Variants in CEP350 observed in about 807,000 individuals in gnomAD.
CEP350 encodes the protein centrosomal protein 350.
Under a neutral mutation model 331.8 loss-of-function variants are expected in CEP350, and 126 were observed. That is an observed-to-expected ratio of 0.38 (90% CI 0.33 to 0.44). The LOEUF is 0.44. Ranked by LOEUF, CEP350 falls within the 20% of genes least tolerant of loss-of-function variation. The probability of loss-of-function intolerance (pLI) is 1.00; values close to 1 mark genes in which losing one functional copy is unlikely to be tolerated. For synonymous variants in CEP350, 1,200 were observed against 1,259.5 expected (o/e 0.95, Z 1.00); for missense variants, 3,406 against 3,634.6 (o/e 0.94, Z 1.62).
intron 27 of CEP350, among the ~76,000 whole-genome samples, chr1:180,068,656 A>G (rs745361572): frequency 6.6e-6 from 1 of 152,174 alleles, no homozygotes; most frequent in Non-Finnish European, 1.5e-5. Flanking sequence ...CATTACTTAA[A>G]ATAGGACACT....
intron 7 of CEP350, among the ~76,000 whole-genome samples, chr1:180,004,927 C>CTTTGTT (rs367845675): frequency 1.3e-5 from 1 of 74,962 alleles, no homozygotes; most frequent in South Asian, 6.0e-4. Context: ...TTCTTTCTTT[C>CTTTGTT]TTTCTTTCTT....
At chr1:180,012,168 G>A in intron 9 of CEP350, 93 bp downstream of exon 9, 2 of 1,182,436 alleles carry the variant, frequency 1.7e-6, no homozygotes, top group Middle Eastern at 2.1e-4. Context: ...AATGTGTTAG[G>A]ACTTTGCTTT....
chr1:180,032,876 T>C (rs1656110792), intron 15 of CEP350, among the ~76,000 whole-genome samples: 1 of 152,100 alleles, frequency 6.6e-6, no homozygotes, highest in Non-Finnish European at 1.5e-5. Context: ...ATGATCATTC[T>C]TTTTGTGTTT....
In CEP350 at chr1:180,053,853, A is replaced by G. The variant is rs1418214682; in HGVS notation, c.5093A>G (p.Gln1698Arg). The G allele has an allele frequency of 6.2e-7, 1 of 1,612,574 alleles. No homozygotes were observed. The highest frequency in any genetic ancestry group is 8.5e-7 in the Non-Finnish European group (1 of 1,178,950). The change falls in exon 24 of 38, where the codon CAG becomes CGG. Residue 1698 changes from glutamine to arginine, a missense_variant. This residue lies in a region of CEP350 where 104 missense variants were observed against 143.3 expected (regional missense o/e 0.73). Transcript: ENST00000367607. ...GAGGAAGAAATGAGGGCAGCTCACC[A>G]GTCTTCACTCCTGCGTCTCCGTGAA... Reference protein sequence around the residue: ...MKEEEMRAAHQSSLLRLREKA... With the variant: ...MKEEEMRAAHRSSLLRLREKA...
In CEP350 at chr1:179,996,974, C is replaced by T. The variant is rs1198007788; in HGVS notation, c.817C>T (p.Leu273=). ...TTCTAATTCCCAAAGATTAGATATT[C>T]TAAAGCGGCGACAACATGATGTCAA... The part of the protein sequence containing the change: ...STSNSQRLDI[L]KRRQHDVKLE... The change falls in exon 6 of 38, where the codon CTA becomes TTA. Residue 273 remains leucine (L), a synonymous_variant. Transcript: ENST00000367607. The T allele has an allele frequency of 6.2e-7, 1 of 1,613,982 alleles. No individual in the cohort carries two copies. Among genetic ancestry groups the T allele is most frequent in the Non-Finnish European group, 8.5e-7 (1 of 1,179,858 alleles).
chr1:180,030,774 C>A (rs77876859), intron 14 of CEP350, among the ~76,000 whole-genome samples: 2 of 152,140 alleles, frequency 1.3e-5, no homozygotes, highest in African/African-American at 4.8e-5. Context: ...GATTAAATTT[C>A]TTTGAGTTAC....
chr1:180,063,108 A>G (rs1247808642), intron 26 of CEP350, among the ~76,000 whole-genome samples: 1 of 151,792 alleles, frequency 6.6e-6, no homozygotes, highest in Non-Finnish European at 1.5e-5. Context: ...TATTTACATG[A>G]TACTCATTTT....
At chr1:179,990,688 A>G in intron 4 of CEP350, 67 bp downstream of exon 4, 1 of 842,680 alleles carries the variant, frequency 1.2e-6, no homozygotes, top group South Asian at 1.9e-5. Context: ...ACAGACAGCT[A>G]GATCTACAGG....
chr1:180,042,132 T>TCACA (rs59048123), intron 19 of CEP350, among the ~76,000 whole-genome samples: 61,662 of 146,578 alleles, frequency 0.42, 13,727 homozygotes, highest in Non-Finnish European at 0.51. Flanking sequence ...GAGTTTTCTC[T>TCACA]CACACACACA....
intron 14 of CEP350, among the ~76,000 whole-genome samples, chr1:180,024,858 A>G (rs1054811290): frequency 2.0e-5 from 3 of 152,214 alleles, no homozygotes; most frequent in Non-Finnish European, 4.4e-5. Context: ...ACTTCTGTTC[A>G]GAGATTAACT....
chr1:180,009,836 ACACATTAAAACT>A (rs1193621831), intron 8 of CEP350, among the ~76,000 whole-genome samples: 1 of 152,206 alleles, frequency 6.6e-6, no homozygotes, highest in Non-Finnish European at 1.5e-5. Flanking sequence ...AGTAAACAGC[ACACATTAAAACT>A]CACCTTTTTA....
intron 14 of CEP350, among the ~76,000 whole-genome samples, chr1:180,025,233 C>T (rs1017299785): frequency 7.9e-5 from 12 of 152,158 alleles, no homozygotes; most frequent in African/African-American, 2.4e-4. Flanking sequence ...TAAATAATTG[C>T]TTTGCAGTTG....
In CEP350 at chr1:179,967,756, A is replaced by C. The variant is rs529383494; in HGVS notation, c.-14+12614A>C. On this transcript the variant is annotated intron_variant, in intron 1 of 37. Transcript: ENST00000367607. ...TTCATGTCTAAATTTTAAAAGTGAA[A>C]ATATTTTATGAAAGAATTTATTTTT... 1.1e-4 allele frequency among the ~76,000 whole-genome samples: 17 copies of C among 152,342 alleles called. No homozygotes were observed. In the South Asian group the frequency reaches 1.2e-3, roughly 11 times the overall value.
chr1:179,973,461 T>G lies in CEP350; in HGVS notation c.-13-12708T>G, dbSNP rs367971866. ...CTGTTAATCACCCTGTTCCTGTCAG[T>G]GAGTGTATAAATGAGTATCCAGTAA... On this transcript the variant is annotated intron_variant, in intron 1 of 37. Transcript: ENST00000367607. Among the ~76,000 whole-genome samples, 3 of 152,226 alleles carry G rather than the reference T, an allele frequency of 2.0e-5. No homozygotes were observed. The South Asian group carries it at 6.2e-4, about 32-fold the overall frequency.
intron 37 of CEP350, among the ~76,000 whole-genome samples, chr1:180,103,535 T>C (rs764530454): frequency 6.6e-5 from 10 of 152,198 alleles, no homozygotes; most frequent in Non-Finnish European, 1.3e-4. Flanking sequence ...CAGTTCTTTA[T>C]GGGGAATTGG....
intron 1 of CEP350, among the ~76,000 whole-genome samples, chr1:179,958,200 T>G (rs903604135): frequency 1.3e-5 from 2 of 152,146 alleles, no homozygotes; most frequent in Non-Finnish European, 2.9e-5. Flanking sequence ...TAAAAATGAA[T>G]CTGAACCCTT....
At chr1:180,009,543 C>CT (rs890096143) in intron 8 of CEP350, among the ~76,000 whole-genome samples, 5 of 151,074 alleles carry the variant, frequency 3.3e-5, no homozygotes, top group South Asian at 2.1e-4. Context: ...AGTGAAATTC[C>CT]TTTTTTTTTA....
chr1:180,064,921 A>C (rs1442156269), intron 26 of CEP350, among the ~76,000 whole-genome samples, 194 bp from the exon 27 acceptor site: 1 of 152,088 alleles, frequency 6.6e-6, no homozygotes, highest in Non-Finnish European at 1.5e-5. Flanking sequence ...AATGGTGGTA[A>C]AAATATACAT....
At chr1:179,967,292 T>C (rs966915840) in intron 1 of CEP350, among the ~76,000 whole-genome samples, 9 of 152,330 alleles carry the variant, frequency 5.9e-5, no homozygotes, top group Middle Eastern at 3.4e-3. Flanking sequence ...TTATAGTTTT[T>C]GTTGTTGTTA....
Sources: gnomAD v4.1 joint callset for allele counts (sites outside exome capture counted in the v4.1 genomes callset) on GRCh38, gnomAD v4.1.1 for gene constraint, gnomAD v4.1.1 regional missense constraint, MANE v1.5 for transcripts, NCBI Gene and HGNC (gene_info 2026-07-23, HGNC 2026-07-21) for gene names.